The following PSTPIP1 variants were observed in gnomAD, a reference collection of about 807,000 sequenced individuals.
The protein encoded by PSTPIP1 is proline-serine-threonine phosphatase-interacting protein 1.
In PSTPIP1, 66 loss-of-function variants were observed where a neutral mutation model predicts 69.6. The ratio of observed to expected loss-of-function variants is 0.95; its 90% CI spans 0.78 to 1.16. The LOEUF is 1.16. Among genes scored for constraint, PSTPIP1 ranks in the 50% most tolerant of loss-of-function variants. The pLI is 0.00. For missense variants in PSTPIP1, 603 were observed against 557.4 expected (o/e 1.08, Z -0.82); for synonymous variants, 266 against 222.7 (o/e 1.19, Z -1.73).
chr15:77,032,033 T>C (rs551327464), intron 10 of PSTPIP1, among the ~76,000 whole-genome samples: 1 of 151,996 alleles, frequency 6.6e-6, no homozygotes, highest in East Asian at 1.9e-4. Flanking sequence ...CTCCTCTGAG[T>C]TTCCTCATCT....
Position 77,036,075 on chromosome 15 carries a change from C to T in PSTPIP1, c.1119+140C>T, listed in dbSNP as rs1028329368. 16 of 1,185,450 alleles carry T rather than the reference C, an allele frequency of 1.3e-5. No individual in the cohort carries two copies. In the East Asian group the frequency reaches 1.6e-4, roughly 12 times the overall value. The allele number at this position is 1,185,450 out of a possible 1,614,324, so 73.4% of individuals were successfully genotyped here. A position where few individuals can be genotyped will look rare whatever the true frequency, so the allele number is the denominator to read the frequency against. On this transcript the variant is annotated intron_variant, in intron 14 of 14. Coordinates refer to ENST00000558012, the MANE Select transcript of PSTPIP1 (RefSeq NM_003978.5). ...GCATCCTCTCCTCCTCAGGAGGGCA[C>T]GTGTGCCCGAGTGTGTCCACACTAG...
intron 1 of PSTPIP1, among the ~76,000 whole-genome samples, chr15:77,002,082 G>T (rs557720122): frequency 2.0e-5 from 3 of 152,388 alleles, no homozygotes; most frequent in African/African-American, 7.2e-5. Flanking sequence ...GAGCAGCAAT[G>T]CTGCCATTTG....
intron 1 of PSTPIP1, among the ~76,000 whole-genome samples, chr15:77,001,951 T>C (rs2075717884): frequency 6.6e-6 from 1 of 152,234 alleles, no homozygotes; most frequent in Non-Finnish European, 1.5e-5. Flanking sequence ...TTTTGAACCA[T>C]ATGAATGTAT....
chr15:77,033,814 A>G (rs1291456215), intron 12 of PSTPIP1, among the ~76,000 whole-genome samples: 1 of 86,848 alleles, frequency 1.2e-5, no homozygotes, highest in Non-Finnish European at 2.7e-5. Context: ...ACCCGTGCTT[A>G]GAGAGGGCAC....
intron 9 of PSTPIP1, 61 bp downstream of exon 9, chr15:77,030,642 A>C: frequency 1.4e-6 from 2 of 1,481,266 alleles, no homozygotes; most frequent in Non-Finnish European, 1.8e-6. Context: ...GCCCATCCCT[A>C]CTCCAGCTGC....
In PSTPIP1 at chr15:77,028,535, C is replaced by T. The variant is rs1411562684; in HGVS notation, c.418-19C>T. On this transcript the variant is annotated intron_variant, in intron 6 of 14. Transcript: ENST00000558012. ...ACAGGGCTGTGCAGCCCCCAAGTCA[C>T]GCCCCTCCACACCCCCAGTCCAAGA... 1.9e-6 allele frequency: 3 copies of T among 1,577,678 alleles called. No individual in the cohort carries two copies. Among genetic ancestry groups the T allele is most frequent in the South Asian group, 1.2e-5 (1 of 86,452 alleles).
Position 77,035,525 on chromosome 15 carries a change from A to G in PSTPIP1, c.947A>G (p.His316Arg). The G allele has an allele frequency of 1.3e-6, 2 of 1,592,762 alleles. No individual in the cohort carries two copies. The highest frequency in any genetic ancestry group is 1.7e-4 in the Middle Eastern group (1 of 6,040). The change falls in exon 13 of 15, where the codon CAC becomes CGC. Residue 316 changes from histidine (H) to arginine (R), a missense_variant. Physicochemically the swap from His to Arg is conservative, Grantham distance 29. Transcript: ENST00000558012. ...GTTCCCAGGTTCTCTGGACTGCTGC[A>G]CGGAAGTCCCAAGACCACTTCGTTG... ...GMIKRFSGLL[H>R]GSPKTTSLAA...
rs2076311266 is a variant in PSTPIP1 at position 77,027,670 on chromosome 15, T to C, written c.355-182T>C. ...CACACCCATGCCCTGTGATTCTCTG[T>C]GGCCTTCCATTGTGAGGGTCACTGT... On this transcript the variant is annotated intron_variant, in intron 5 of 14. Coordinates refer to ENST00000558012, the MANE Select transcript of PSTPIP1 (RefSeq NM_003978.5). The surrounding 1 kb of genome is among the most constrained non-coding windows in gnomAD (Gnocchi z 4.3). The C allele has an allele frequency of 1.4e-6, 1 of 706,110 alleles. No individual in the cohort carries two copies. Among genetic ancestry groups the C allele is most frequent in the Non-Finnish European group, 2.5e-6 (1 of 392,436 alleles). 43.7% of individuals were successfully genotyped at this position (706,110 alleles called of 1,614,324 possible).
intron 14 of PSTPIP1, 44 bp from the exon 15 acceptor site, chr15:77,037,001 C>T (rs2076593291): frequency 1.3e-6 from 2 of 1,597,356 alleles, no homozygotes; most frequent in African/African-American, 1.4e-5. Context: ...AGGCCCTTCC[C>T]TGCAGGCCCT....
chr15:77,015,666 G>A (rs919583523), intron 1 of PSTPIP1: 1 of 325,318 alleles, frequency 3.1e-6, no homozygotes, highest in Non-Finnish European at 6.2e-6. Flanking sequence ...AACACATCCT[G>A]AGCCTGACTG....
chr15:76,995,557 G>A lies in PSTPIP1; in HGVS notation c.-17G>A, dbSNP rs1398930528. On this transcript the variant is annotated 5_prime_UTR_variant, in exon 1 of 15. Transcript: ENST00000558012. The stretch of plus-strand genomic sequence containing the variant: ...CTGTGGCAGGAGAGTGAGCTTTGCC[G>A]CGGCAGACGCCTGAGGATGATGCCC... 15 of 1,613,782 alleles carry A rather than the reference G, an allele frequency of 9.3e-6. No homozygotes were observed. Among genetic ancestry groups the A allele is most frequent in the East Asian group, 2.2e-5 (1 of 44,902 alleles).
At chr15:76,997,615 A>G (rs889322761) in intron 1 of PSTPIP1, among the ~76,000 whole-genome samples, 3 of 152,198 alleles carry the variant, frequency 2.0e-5, no homozygotes, top group Admixed American at 2.0e-4. Context: ...CTGGGATTAA[A>G]CCCCTGGCAG....
At chr15:77,002,669 CT>C (rs2075735257) in intron 1 of PSTPIP1, among the ~76,000 whole-genome samples, 1 of 152,222 alleles carries the variant, frequency 6.6e-6, no homozygotes, top group Admixed American at 6.5e-5. Context: ...GTCATGCTTG[CT>C]TTGCTTTTGC....
chr15:77,020,585 T>C (rs571178503), intron 3 of PSTPIP1, among the ~76,000 whole-genome samples: 112 of 152,316 alleles, frequency 7.4e-4, no homozygotes, highest in South Asian at 8.3e-4. Flanking sequence ...ATGCCCTGGA[T>C]GGGTCAGGAG....
chr15:76,995,112 G>C (rs1172904380), upstream of PSTPIP1: 3 of 1,176,422 alleles, frequency 2.6e-6, no homozygotes, highest in South Asian at 1.6e-5. Context: ...TGCCTGCCCC[G>C]GGGGAGGTTG....
intron 1 of PSTPIP1, chr15:76,999,659 C>T (rs1352630050): frequency 6.6e-6 from 1 of 152,206 alleles, no homozygotes; most frequent in Non-Finnish European, 1.5e-5. Flanking sequence ...GACCCCTGAG[C>T]TTCTTCACCC....
intron 1 of PSTPIP1, among the ~76,000 whole-genome samples, chr15:76,997,375 C>T (rs1411494406): frequency 2.0e-5 from 3 of 151,938 alleles, no homozygotes; most frequent in African/African-American, 4.9e-5. Context: ...TCACTGTAGG[C>T]ATCACCTGCC....
At chr15:77,008,988 G>A (rs1327126816) in intron 1 of PSTPIP1, among the ~76,000 whole-genome samples, 2 of 152,188 alleles carry the variant, frequency 1.3e-5, no homozygotes, top group South Asian at 2.1e-4. Flanking sequence ...CCAGTGGCCC[G>A]CTTCGATCCT....
intron 1 of PSTPIP1, among the ~76,000 whole-genome samples, chr15:77,006,515 A>C (rs763514785): frequency 4.6e-5 from 7 of 152,250 alleles, no homozygotes; most frequent in Non-Finnish European, 7.3e-5. Context: ...TCAGAGAAAT[A>C]ATTGCCAAAT....
Sources: gnomAD v4.1 joint callset for allele counts (sites outside exome capture counted in the v4.1 genomes callset) on GRCh38, gnomAD v4.1.1 for gene constraint, Gnocchi (gnomAD v3.1) non-coding constraint, MANE v1.5 for transcripts, NCBI Gene and HGNC (gene_info 2026-07-23, HGNC 2026-07-21) for gene names.